UAP1: variants seen among roughly 807,000 people sequenced by gnomAD.
UAP1 encodes the protein UDP-N-acetylglucosamine pyrophosphorylase 1.
A neutral mutation model predicts 58.5 loss-of-function variants in UAP1; 25 were observed. The ratio of observed to expected loss-of-function variants is 0.43; its 90% confidence interval spans 0.31 to 0.60. UAP1 has a LOEUF of 0.60. UAP1 is among the 20% of genes least tolerant of loss of function. UAP1 has a pLI of 0.11. For missense variants in UAP1, 575 were observed against 630.0 expected, an observed-to-expected ratio of 0.91 and a Z score of 0.93; for synonymous variants, 208 against 213.0, an observed-to-expected ratio of 0.98 and a Z score of 0.21.
intron 5 of UAP1, among the ~76,000 whole-genome samples, chr1:162,585,501 A>T (rs181808745): frequency 9.9e-5 from 15 of 152,060 alleles, no homozygotes; most frequent in African/African-American, 3.1e-4. Context: ...ACCTCAGATG[A>T]TACACCCACC....
Position 162,590,591 on chromosome 1 carries a change from T to G in UAP1, c.1358+80T>G, listed in dbSNP as rs142891436. 3.2e-4 allele frequency: 395 copies of G among 1,237,728 alleles called. 1 individual carries two copies. The East Asian group carries it at 6.3e-3, about 20-fold the overall frequency. The allele number at this position is 1,237,728 out of a possible 1,614,324, so 76.7% of individuals were successfully genotyped here. On this transcript the variant is annotated intron_variant, in intron 8 of 10. Coordinates refer to ENST00000271469, the Ensembl canonical transcript of UAP1. ...GGACTTCTCTCTCTCTCTCTCTCTC[T>G]GTATTCCTAGATCTTTTTTAAAAAG...
chr1:162,596,280 AT>A (rs547409491), intron 9 of UAP1, among the ~76,000 whole-genome samples: 89 of 151,966 alleles, frequency 5.9e-4, no homozygotes, highest in African/African-American at 2.1e-3. Flanking sequence ...GGTTCTAGCG[AT>A]TCTCCTGCCT....
intron 5 of UAP1, among the ~76,000 whole-genome samples, chr1:162,582,856 A>G (rs978863669): frequency 6.6e-6 from 1 of 152,216 alleles, no homozygotes; most frequent in African/African-American, 2.4e-5. Context: ...ATTTACTGAT[A>G]CAAGTTTTGA....
At position 162,592,597 on chromosome 1, in the gene UAP1, CT is replaced by C. The variant is rs978088677; in HGVS notation, c.1359-131del. ...AGTTTTATTTTTATTTTTTTACCCC[CT>C]TTTGGTCTCTTGGGACGAATTTATG... On this transcript the variant is annotated intron_variant, in intron 8 of 10. Coordinates refer to ENST00000271469, the Ensembl canonical transcript of UAP1. The C allele has an allele frequency of 6.0e-6, 4 of 668,246 alleles. No individual in the cohort carries two copies. The Admixed American group carries it at 7.6e-5, about 13-fold the overall frequency. 41.4% of individuals were successfully genotyped at this position (668,246 alleles called of 1,614,324 possible). A position where few individuals can be genotyped will look rare whatever the true frequency, so the allele number is the denominator to read the frequency against.
intron 1 of UAP1, 126 bp from the exon 2 acceptor site, chr1:162,565,886 G>C: frequency 1.6e-6 from 1 of 619,336 alleles, no homozygotes. Context: ...CAAATATTGA[G>C]TGATGGAAAA....
intron 2 of UAP1, among the ~76,000 whole-genome samples, chr1:162,574,209 C>T (rs1276386841): frequency 6.6e-6 from 1 of 151,166 alleles, no homozygotes; most frequent in Non-Finnish European, 1.5e-5. Flanking sequence ...TCATCTGCCT[C>T]AGCCTCCTGA....
intron 4 of UAP1, 84 bp downstream of exon 4, chr1:162,579,687 A>T (rs1247619512): frequency 4.1e-6 from 5 of 1,206,490 alleles, no homozygotes; most frequent in Non-Finnish European, 5.7e-6. Flanking sequence ...TAACATGGTG[A>T]TTTTGATATT....
At chr1:162,590,563 CT>C (rs745316923) in intron 8 of UAP1, 52 bp downstream of exon 8, 8 of 1,461,930 alleles carry the variant, frequency 5.5e-6, no homozygotes, top group African/African-American at 1.4e-5. Context: ...GACTTTTCCT[CT>C]TGGACTTCTC....
At chr1:162,586,347 G>A (rs1037654808) in intron 5 of UAP1, among the ~76,000 whole-genome samples, 8 of 152,044 alleles carry the variant, frequency 5.3e-5, no homozygotes, top group African/African-American at 1.9e-4. Context: ...TTTGAGACAG[G>A]GTCTTACTCT....
At chr1:162,569,064 GAGA>G (rs952906745) in intron 2 of UAP1, among the ~76,000 whole-genome samples, 3 of 152,198 alleles carry the variant, frequency 2.0e-5, no homozygotes, top group Non-Finnish European at 4.4e-5. Context: ...AGTAAGGGTG[GAGA>G]AGGAGACTTT....
chr1:162,595,114 A>G (rs1655541898), intron 9 of UAP1, among the ~76,000 whole-genome samples: 1 of 152,214 alleles, frequency 6.6e-6, no homozygotes, highest in Non-Finnish European at 1.5e-5. Context: ...TGGCTAAAGA[A>G]TTGTGGGGCA....
exon 2 of UAP1, chr1:162,566,155 A>G (rs141021358): frequency 1.5e-4 from 250 of 1,613,972 alleles, no homozygotes; most frequent in Admixed American, 4.8e-4. Flanking sequence ...AAGAAGCCCA[A>G]CAGGTAGAAC....
downstream of UAP1, among the ~76,000 whole-genome samples, chr1:162,600,873 A>T (rs1280305199): frequency 6.6e-6 from 1 of 152,212 alleles, no homozygotes; most frequent in African/African-American, 2.4e-5. Flanking sequence ...CAGAGTCTTT[A>T]GCTCCTGAAT....
Position 162,566,247 on chromosome 1 carries a change from C to T in UAP1, c.179C>T (p.Ser60Phe). 1.2e-6 allele frequency: 2 copies of T among 1,614,166 alleles called. No homozygotes were observed. Among genetic ancestry groups the T allele is most frequent in the South Asian group, 1.1e-5 (1 of 91,084 alleles). Reference sequence around the variant, plus strand: ...GCCATTGAAGGTTTTAACCAGTCTTCTCACCAAAAGAATGTGGATGCACGA... The same window carrying T: ...GCCATTGAAGGTTTTAACCAGTCTTTTCACCAAAAGAATGTGGATGCACGA... The change falls in exon 2 of 11, where the codon TCT becomes TTT. Residue 60 changes from serine to phenylalanine, a missense_variant. Coordinates refer to ENST00000271469, the Ensembl canonical transcript of UAP1.
At chr1:162,595,400 ATTTTTTCCTTT>A (rs1655560657) in intron 9 of UAP1, among the ~76,000 whole-genome samples, 1 of 151,330 alleles carries the variant, frequency 6.6e-6, no homozygotes, top group South Asian at 2.1e-4. Context: ...GTGGGCCCTC[ATTTTTTCCTTT>A]TTTTTTCCTC....
chr1:162,582,646 G>A (rs1249667581), intron 5 of UAP1, among the ~76,000 whole-genome samples: 2 of 152,126 alleles, frequency 1.3e-5, no homozygotes, highest in East Asian at 3.8e-4. Context: ...AAGAAAATTA[G>A]AAGAATTTTA....
chr1:162,589,110 A>T (rs1285962837), intron 7 of UAP1, among the ~76,000 whole-genome samples: 6 of 118,138 alleles, frequency 5.1e-5, no homozygotes, highest in Admixed American at 4.8e-4. Flanking sequence ...TATATATATT[A>T]TATATATATT....
chr1:162,592,137 C>T (rs1655352784), intron 8 of UAP1, among the ~76,000 whole-genome samples: 1 of 152,168 alleles, frequency 6.6e-6, no homozygotes, highest in South Asian at 2.1e-4. Context: ...GTGGTTTGTG[C>T]CTGTAATCCC....
Position 162,576,107 on chromosome 1 carries a change from A to G in UAP1, c.281-670A>G, listed in dbSNP as rs186524108. On this transcript the variant is annotated intron_variant, in intron 2 of 10. Transcript: ENST00000271469. ...AGCGCATTCTGTTGAGTTGGGTTTCAAACCAGAAATCCTAACTTCAGAGCC... is the reference window on the plus strand; with the variant it reads ...AGCGCATTCTGTTGAGTTGGGTTTCGAACCAGAAATCCTAACTTCAGAGCC... 6.9e-4 allele frequency among the ~76,000 whole-genome samples: 105 copies of G among 152,326 alleles called. 1 individual carries two copies. Among genetic ancestry groups the G allele is most frequent in the African/African-American group, 2.4e-3 (98 of 41,580 alleles).
Sources: gnomAD v4.1 joint callset for allele counts (sites outside exome capture counted in the v4.1 genomes callset) on GRCh38, gnomAD v4.1.1 for gene constraint, MANE v1.5 for transcripts, NCBI Gene and HGNC (gene_info 2026-07-23, HGNC 2026-07-21) for gene names.